ABLIM3: variants seen among roughly 807,000 people sequenced by gnomAD.
The protein encoded by ABLIM3 is actin-binding LIM protein 3.
A neutral mutation model predicts 109.5 loss-of-function variants in ABLIM3; 61 were observed. That is an observed-to-expected ratio of 0.56 (90% confidence interval 0.45 to 0.69). ABLIM3 has a LOEUF of 0.69. Among genes scored for constraint, ABLIM3 ranks in the 30% least tolerant of loss-of-function variants. The pLI, the probability that ABLIM3 is intolerant of heterozygous loss-of-function variation, is 0.00. For missense variants in ABLIM3, 796 were observed against 889.5 expected (o/e 0.89, Z 1.34); for synonymous variants, 300 against 324.8 (o/e 0.92, Z 0.82).
At chr5:149,186,112 C>A (rs138154892) in intron 3 of ABLIM3, among the ~76,000 whole-genome samples, 433 of 152,226 alleles carry the variant, frequency 2.8e-3, no homozygotes, top group African/African-American at 9.8e-3. Context: ...TTGCCTGTTC[C>A]AACTTTGGCA....
At chr5:149,162,466 T>A (rs569742317) in intron 2 of ABLIM3, among the ~76,000 whole-genome samples, 1 of 152,354 alleles carries the variant, frequency 6.6e-6, no homozygotes, top group East Asian at 1.9e-4. Context: ...AACTAAATGA[T>A]GATCAAAAGA....
chr5:149,148,426 G>C (rs1303875003), intron 2 of ABLIM3, among the ~76,000 whole-genome samples: 1 of 152,178 alleles, frequency 6.6e-6, no homozygotes, highest in Non-Finnish European at 1.5e-5. Context: ...TCAGAGGAAA[G>C]GAGGGAAACT....
intron 7 of ABLIM3, among the ~76,000 whole-genome samples, chr5:149,211,454 G>C (rs1312793792): frequency 1.3e-5 from 2 of 152,090 alleles, no homozygotes; most frequent in Non-Finnish European, 2.9e-5. Flanking sequence ...CACCCACCTT[G>C]ATGAATTAGA....
At chr5:149,223,446 T>G (rs1215539142) in intron 8 of ABLIM3, among the ~76,000 whole-genome samples, 1 of 152,156 alleles carries the variant, frequency 6.6e-6, no homozygotes, top group Non-Finnish European at 1.5e-5. Context: ...GATGAGACAT[T>G]TTATTAGTCT....
At chr5:149,222,791 C>G (rs1460546618) in intron 8 of ABLIM3, among the ~76,000 whole-genome samples, 1 of 151,574 alleles carries the variant, frequency 6.6e-6, no homozygotes, top group Non-Finnish European at 1.5e-5. Flanking sequence ...CAAGTGAGGG[C>G]CTCCCATTGT....
At chr5:149,257,698 G>C (rs990851005) in intron 23 of ABLIM3, among the ~76,000 whole-genome samples, 1 of 152,104 alleles carries the variant, frequency 6.6e-6, no homozygotes, top group East Asian at 1.9e-4. Context: ...CAGAAAGAGG[G>C]GAAAATCCAC....
chr5:149,247,607 C>A, intron 17 of ABLIM3, 175 bp from the exon 18 acceptor site: 2 of 880,590 alleles, frequency 2.3e-6, no homozygotes, highest in Non-Finnish European at 3.6e-6. Flanking sequence ...TTGTGGAAGA[C>A]AAGATGAGAT....
chr5:149,224,320 T>C (rs2963500), intron 8 of ABLIM3, among the ~76,000 whole-genome samples: 149,659 of 152,290 alleles, frequency 0.98, 73,553 homozygotes, highest in East Asian at 1. Context: ...AATTGCCATT[T>C]TCCCCTTCTC....
intron 1 of ABLIM3, 142 bp downstream of exon 1, chr5:149,141,796 C>G (rs1752480279): frequency 2.1e-6 from 1 of 470,906 alleles, no homozygotes; most frequent in African/African-American, 2.0e-5. Context: ...GCAGGCGCTG[C>G]CAACCCCACT....
chr5:149,226,656 T>C (rs1038669200), intron 8 of ABLIM3, among the ~76,000 whole-genome samples: 2 of 152,120 alleles, frequency 1.3e-5, no homozygotes, highest in Non-Finnish European at 2.9e-5. Context: ...CAGAACTGTT[T>C]AAAATCATGC....
chr5:149,213,663 G>A (rs1759778454), intron 7 of ABLIM3, among the ~76,000 whole-genome samples: 2 of 152,170 alleles, frequency 1.3e-5, no homozygotes, highest in South Asian at 4.1e-4. Flanking sequence ...TTTCCAAGCT[G>A]CTTTGAAATC....
intron 18 of ABLIM3, among the ~76,000 whole-genome samples, chr5:149,249,009 A>G (rs773859049): frequency 6.6e-6 from 1 of 152,174 alleles, no homozygotes; most frequent in Non-Finnish European, 1.5e-5. Flanking sequence ...TTACACTTCT[A>G]TGTGCCAGGC....
At chr5:149,203,584 CCAT>C (rs1430488586) in intron 5 of ABLIM3, among the ~76,000 whole-genome samples, 1 of 152,030 alleles carries the variant, frequency 6.6e-6, no homozygotes, top group Non-Finnish European at 1.5e-5. Context: ...AACAACACCA[CCAT>C]CACCATCAAT....
In ABLIM3 at chr5:149,258,391, C is replaced by T. The variant is rs1229349264; in HGVS notation, c.2039C>T (p.Ala680Val). The change falls in exon 24 of 24, where the codon GCC becomes GTC. Residue 680 changes from alanine (A) to valine (V), a missense_variant. By Grantham distance (64) the Ala-to-Val change is moderately conservative (BLOSUM62 0). Coordinates refer to ENST00000309868, the MANE Select transcript of ABLIM3 (RefSeq NM_014945.5). ...AAGAGGAATGAACTGAAGAAGCAAG[C>T]CCGGCTGTTCTAGGCAGAGGCTCTA... ...LWKRNELKKQ[A>V]RLF 1.2e-6 allele frequency: 2 copies of T among 1,613,932 alleles called. No homozygotes were observed. Among genetic ancestry groups the T allele is most frequent in the Non-Finnish European group, 1.7e-6 (2 of 1,179,980 alleles).
rs1181572601 is a variant in ABLIM3 at position 149,198,355 on chromosome 5, C to A, written c.288C>A (p.Ala96=). ...TCATCACAGGCGAAGTCATCTCGGC[C>A]CTGGGCCGCACTTACCACCCCAAGT... The part of the protein sequence containing the change: ...RDFITGEVIS[A]LGRTYHPKCF... The change falls in exon 4 of 24, where the codon GCC becomes GCA. Residue 96 remains alanine, a synonymous_variant. Coordinates refer to ENST00000309868, the MANE Select transcript of ABLIM3 (RefSeq NM_014945.5). The surrounding 1 kb of genome is among the most constrained non-coding windows in gnomAD (Gnocchi z 4.2). 1 of 1,613,966 alleles carries A rather than the reference C, an allele frequency of 6.2e-7. No individual in the cohort carries two copies. The highest frequency in any genetic ancestry group is 1.6e-4 in the Middle Eastern group (1 of 6,062).
chr5:149,195,644 C>A (rs6889927), intron 3 of ABLIM3, among the ~76,000 whole-genome samples: 64,486 of 151,910 alleles, frequency 0.42, 14,460 homozygotes, highest in East Asian at 0.67. Flanking sequence ...GGGAAAAAAC[C>A]GGAGCTGTTT....
chr5:149,259,758 T>G lies in ABLIM3; in HGVS notation c.*1354T>G. Reference sequence around the variant, plus strand: ...TGTTCCTTCTTGGAGAAGCCTTGAGTCGGACCATTTTGAGATCATGGAGGA... The same window carrying G: ...TGTTCCTTCTTGGAGAAGCCTTGAGGCGGACCATTTTGAGATCATGGAGGA... On this transcript the variant is annotated 3_prime_UTR_variant, in exon 24 of 24. Coordinates refer to ENST00000309868, the MANE Select transcript of ABLIM3 (RefSeq NM_014945.5). 1 of 667,396 alleles carries G rather than the reference T, an allele frequency of 1.5e-6. No individual in the cohort carries two copies. The highest frequency in any genetic ancestry group is 2.8e-5 in the Admixed American group (1 of 36,130). 41.3% of individuals were successfully genotyped at this position (667,396 alleles called of 1,614,324 possible). A position where few individuals can be genotyped will look rare whatever the true frequency, so the allele number is the denominator to read the frequency against.
intron 16 of ABLIM3, among the ~76,000 whole-genome samples, chr5:149,245,933 T>G (rs1371065494): frequency 6.6e-6 from 1 of 152,182 alleles, no homozygotes; most frequent in Non-Finnish European, 1.5e-5. Context: ...GAGGCCAAGT[T>G]GGGAAGATCA....
intron 14 of ABLIM3, 112 bp downstream of exon 14, chr5:149,240,886 G>T: frequency 1.0e-6 from 1 of 979,284 alleles, no homozygotes; most frequent in Non-Finnish European, 1.6e-6. Context: ...GTTCCTGAGG[G>T]ACCTCCCTAA....
Sources: allele counts gnomAD v4.1 joint callset (sites outside exome capture counted in the v4.1 genomes callset), GRCh38; gene constraint gnomAD v4.1.1; non-coding constraint Gnocchi (gnomAD v3.1); transcripts MANE v1.5; gene names NCBI Gene and HGNC (gene_info 2026-07-23, HGNC 2026-07-21).